SCUBE1: variants seen among roughly 807,000 people sequenced by gnomAD.
The protein encoded by SCUBE1 is signal peptide, CUB and EGF-like domain-containing protein 1.
Under a neutral mutation model 124.4 loss-of-function variants are expected in SCUBE1, and 59 were observed. The ratio of observed to expected loss-of-function variants is 0.47; its 90% CI spans 0.38 to 0.59. The LOEUF (loss-of-function observed/expected upper bound fraction) is 0.59, where lower values mean the gene tolerates loss of function less well. SCUBE1 is among the 20% of genes least tolerant of loss of function. The pLI, the probability that SCUBE1 is intolerant of heterozygous loss-of-function variation, is 0.00. For missense variants in SCUBE1, 1,150 were observed against 1,371.2 expected (o/e 0.84, Z 2.55); for synonymous variants, 545 against 550.9 (o/e 0.99, Z 0.15).
intron 3 of SCUBE1, chr22:43,316,816 C>T (rs1926364495): frequency 6.6e-6 from 1 of 152,302 alleles, no homozygotes; most frequent in African/African-American, 2.4e-5. Context: ...GCTTCAATAA[C>T]CTGATGCTCG....
rs1161386551 is a variant in SCUBE1 at position 43,343,270 on chromosome 22, C to A, written c.-9G>T. The A allele has an allele frequency of 2.7e-6, 3 of 1,123,098 alleles. No homozygotes were observed. Among genetic ancestry groups the A allele is most frequent in the Non-Finnish European group, 3.3e-6 (3 of 921,070 alleles). 69.6% of individuals were successfully genotyped at this position (1,123,098 alleles called of 1,614,324 possible). A position where few individuals can be genotyped will look rare whatever the true frequency, so the allele number is the denominator to read the frequency against. ...ACGGCCGCCGCGCCCATGCTCAATG[C>A]GGGCCCCGCTGGGCGTGCGGGCGTG... On this transcript the variant is annotated 5_prime_UTR_variant, in exon 1 of 22. Transcript: ENST00000360835.
chr22:43,321,861 G>A lies in SCUBE1; in HGVS notation c.221-1796C>T, dbSNP rs976463843. On this transcript the variant is annotated intron_variant, in intron 2 of 21. Transcript: ENST00000360835. ...CCTAGTAGCTGGAATTATAGGCATA[G>A]GCCACTGTGCCTGGCTCTGGGCTGT... 4.7e-4 allele frequency among the ~76,000 whole-genome samples: 71 copies of A among 152,286 alleles called. 1 individual carries two copies. Among genetic ancestry groups the A allele is most frequent in the African/African-American group, 1.7e-3 (69 of 41,564 alleles).
chr22:43,335,594 C>G (rs989761209), intron 2 of SCUBE1, among the ~76,000 whole-genome samples: 1 of 152,202 alleles, frequency 6.6e-6, no homozygotes, highest in South Asian at 2.1e-4. Context: ...GCAGCCCCAC[C>G]AGACCACAAG....
intron 6 of SCUBE1, among the ~76,000 whole-genome samples, chr22:43,254,163 C>T (rs981142800): frequency 3.3e-5 from 5 of 152,250 alleles, no homozygotes; most frequent in Non-Finnish European, 7.3e-5. Flanking sequence ...AGCTTCCAGC[C>T]TGAGCTTGCC....
chr22:43,296,597 A>G (rs944010656), intron 3 of SCUBE1, among the ~76,000 whole-genome samples: 2 of 152,044 alleles, frequency 1.3e-5, no homozygotes, highest in African/African-American at 2.4e-5. Context: ...GAGACGGGGG[A>G]GGTAGAGTGG....
At chr22:43,278,869 AGGAG>A (rs1473019161) in intron 4 of SCUBE1, among the ~76,000 whole-genome samples, 3 of 152,156 alleles carry the variant, frequency 2.0e-5, no homozygotes, top group Admixed American at 2.0e-4. Flanking sequence ...GCAAAGCTCC[AGGAG>A]GGTGGAGCTG....
chr22:43,219,555 T>C (rs139003), intron 14 of SCUBE1, among the ~76,000 whole-genome samples: 42,824 of 151,076 alleles, frequency 0.28, 6,641 homozygotes, highest in African/African-American at 0.39. Context: ...CTCACTGCAA[T>C]CTCTGCCTCC....
rs1005482611 is a variant in SCUBE1, at chr22:43,223,025, G to C, written c.1327+72C>G. On this transcript the variant is annotated intron_variant, in intron 11 of 21. Coordinates refer to ENST00000360835, the MANE Select transcript of SCUBE1 (RefSeq NM_173050.5). ...AGACTCTTTCCTGGAGGACAGCTGG[G>C]AGCAATGGTGGGACCCCAGGGAGGA... 5.4e-6 allele frequency: 8 copies of C among 1,486,234 alleles called. No homozygotes were observed. The African/African-American group carries it at 1.1e-4, about 21-fold the overall frequency. The allele number at this position is 1,486,234 out of a possible 1,614,324, so 92.1% of individuals were successfully genotyped here. A position where few individuals can be genotyped will look rare whatever the true frequency, so the allele number is the denominator to read the frequency against.
intron 6 of SCUBE1, among the ~76,000 whole-genome samples, chr22:43,256,656 C>T (rs1296644249): frequency 6.6e-6 from 1 of 152,224 alleles, no homozygotes; most frequent in Non-Finnish European, 1.5e-5. Flanking sequence ...GTGGACAAGA[C>T]AAGATGTGTT....
chr22:43,222,755 C>A lies in SCUBE1; in HGVS notation c.1328-13G>T, dbSNP rs367671783. Reference sequence around the variant, plus strand: ...CTATTTTCCGAGTCTGCAGAGAAGCCGGTGGGTGAGGTGGGCCTGGTGCTC... The same window carrying A: ...CTATTTTCCGAGTCTGCAGAGAAGCAGGTGGGTGAGGTGGGCCTGGTGCTC... On this transcript the variant is annotated splice_polypyrimidine_tract_variant and intron_variant, in intron 11 of 21. Transcript: ENST00000360835. 12 of 1,582,462 alleles carry A rather than the reference C, an allele frequency of 7.6e-6. No individual in the cohort carries two copies. The African/African-American group carries it at 1.6e-4, about 21-fold the overall frequency.
rs146933492 is a variant in SCUBE1 at position 43,244,988 on chromosome 22, A to AG, written c.728-6035dup. On this transcript the variant is annotated intron_variant, in intron 6 of 21. Transcript: ENST00000360835. The stretch of plus-strand genomic sequence containing the variant: ...AAAGGGATTGGCCGGCCCTTCCGGC[A>AG]GATCTGGGGACCTCTGACCTCTGAC... 9.9e-3 allele frequency among the ~76,000 whole-genome samples: 1,514 copies of AG among 152,318 alleles called. 25 individuals are homozygous for AG. Among genetic ancestry groups the AG allele is most frequent in the African/African-American group, 0.034 (1,427 of 41,568 alleles).
chr22:43,279,619 T>C (rs910699143), intron 4 of SCUBE1, among the ~76,000 whole-genome samples: 3 of 152,366 alleles, frequency 2.0e-5, no homozygotes, highest in South Asian at 2.1e-4. Flanking sequence ...TCTTCTGTTA[T>C]AGAAGCAGGA....
intron 6 of SCUBE1, among the ~76,000 whole-genome samples, chr22:43,251,463 A>G (rs1923444505): frequency 6.6e-6 from 1 of 152,216 alleles, no homozygotes; most frequent in African/African-American, 2.4e-5. Context: ...CTGAAGGACC[A>G]TGAGACGGGA....
In SCUBE1 at chr22:43,294,491, T is replaced by G. The variant is rs530407593; in HGVS notation, c.350-3311A>C. Among the ~76,000 whole-genome samples the G allele has an allele frequency of 3.9e-5, 6 of 152,200 alleles. No homozygotes were observed. In the South Asian group the frequency reaches 1.0e-3, roughly 26 times the overall value. ...CAGTACTTTGGCCCTCTCCAAGAGG[T>G]GCTGTGAGCCCAGCACACACCGCCC... On this transcript the variant is annotated intron_variant, in intron 3 of 21. Coordinates refer to ENST00000360835, the MANE Select transcript of SCUBE1 (RefSeq NM_173050.5).
rs1449490950 is a variant in SCUBE1 at position 43,203,672 on chromosome 22, T to C, written c.*325A>G. ...CCCAGAGCACAGGCCCCACTTCCCC[T>C]CTCTCCTGAAACGCCAGGCCAGGCA... On this transcript the variant is annotated 3_prime_UTR_variant, in exon 22 of 22. Coordinates refer to ENST00000360835, the MANE Select transcript of SCUBE1 (RefSeq NM_173050.5). 2 of 243,048 alleles carry C rather than the reference T, an allele frequency of 8.2e-6. No individual in the cohort carries two copies. Among genetic ancestry groups the C allele is most frequent in the Non-Finnish European group, 1.6e-5 (2 of 124,882 alleles). 15.1% of individuals were successfully genotyped at this position (243,048 alleles called of 1,614,324 possible).
rs1266308508 is a variant in SCUBE1, at chr22:43,199,086, T to G, written c.*4911A>C. 7 of 344,458 alleles carry G rather than the reference T, an allele frequency of 2.0e-5. No individual in the cohort carries two copies. The highest frequency in any genetic ancestry group is 3.4e-5 in the Non-Finnish European group (6 of 176,708). The allele number at this position is 344,458 out of a possible 1,614,324, so 21.3% of individuals were successfully genotyped here. On this transcript the variant is annotated 3_prime_UTR_variant, in exon 22 of 22. Transcript: ENST00000360835. ...TGTCTGCTGTCCGGGGCAGTTTGTT[T>G]GTCTGTCTGCTGTCTGGGGCAGTTT...
chr22:43,281,509 T>TCAGTCACCCTCCTGTCACCTC (rs1924877144), intron 4 of SCUBE1, among the ~76,000 whole-genome samples: 1 of 50,314 alleles, frequency 2.0e-5, no homozygotes, highest in African/African-American at 1.3e-4. Context: ...TGTCACCTCC[T>TCAGTCACCCTCCTGTCACCTC]CCTCAGCCAC....
At chr22:43,291,242 G>GGGCT in intron 3 of SCUBE1, 62 bp from the exon 4 acceptor site, 6 of 1,557,038 alleles carry the variant, frequency 3.9e-6, no homozygotes, top group Non-Finnish European at 5.3e-6. Context: ...AGGGCATGAG[G>GGGCT]GGCTGGCGGG....
chr22:43,339,631 T>A (rs568718622), intron 1 of SCUBE1, among the ~76,000 whole-genome samples: 1 of 91,980 alleles, frequency 1.1e-5, no homozygotes, highest in Non-Finnish European at 2.1e-5. Context: ...CTCTCCTTAC[T>A]CTATCCCCCC....
Sources: allele counts gnomAD v4.1 joint callset (sites outside exome capture counted in the v4.1 genomes callset), GRCh38; gene constraint gnomAD v4.1.1; transcripts MANE v1.5; gene names NCBI Gene and HGNC (gene_info 2026-07-23, HGNC 2026-07-21).